Variants in NUP37 observed in about 807,000 individuals in gnomAD.
NUP37 encodes the protein nucleoporin Nup37.
In NUP37, 33 loss-of-function variants were observed where a neutral mutation model predicts 45.4. The ratio of observed to expected loss-of-function variants is 0.73; its 90% CI spans 0.55 to 0.97. The LOEUF (loss-of-function observed/expected upper bound fraction) is 0.97. Ranked by LOEUF, NUP37 falls within the 50% of genes least tolerant of loss-of-function variation. The pLI, the probability that NUP37 is intolerant of heterozygous loss-of-function variation, is 0.00. For synonymous variants in NUP37, 127 were observed against 130.7 expected (o/e 0.97, Z 0.19); for missense variants, 365 against 389.7 (o/e 0.94, Z 0.53).
chr12:102,118,392 A>G lies in NUP37; in HGVS notation c.127T>C (p.Tyr43His). The G allele has an allele frequency of 6.2e-7, 1 of 1,613,912 alleles. No individual in the cohort carries two copies. Among genetic ancestry groups the G allele is most frequent in the Non-Finnish European group, 8.5e-7 (1 of 1,179,954 alleles). Residue 43 changes from tyrosine (Y) to histidine (H), a missense_variant, in exon 2 of 10, where the codon TAT becomes CAT. Tyr to His is a moderately conservative substitution (Grantham distance 83, BLOSUM62 2). Coordinates refer to ENST00000552283, the MANE Select transcript of NUP37 (RefSeq NM_024057.4). Reference sequence around the variant, plus strand: ...AACGTACACGTGCCAATGACCACATAATTATTGCCACCATATGCAATTAGG... The same window carrying G: ...AACGTACACGTGCCAATGACCACATGATTATTGCCACCATATGCAATTAGG... ...GNLIAYGGNN[Y>H]VVIGTCTFQE...
Position 102,117,360 on chromosome 12 carries a change from G to T in NUP37, c.156+1003C>A, listed in dbSNP as rs138612202. Among the ~76,000 whole-genome samples, 88 of 151,824 alleles carry T rather than the reference G, an allele frequency of 5.8e-4. No individual in the cohort carries two copies. The East Asian group carries it at 0.015, about 27-fold the overall frequency. On this transcript the variant is annotated intron_variant, in intron 2 of 9. Coordinates refer to ENST00000552283, the MANE Select transcript of NUP37 (RefSeq NM_024057.4). The stretch of plus-strand genomic sequence containing the variant: ...AGCTACTTGGGAGGCTGAGGCAGGA[G>T]AATCAACTGAACCCGGGAGATGAAG...
intron 2 of NUP37, among the ~76,000 whole-genome samples, chr12:102,113,225 G>GAC (rs1173121687): frequency 1.3e-5 from 2 of 152,340 alleles, no homozygotes; most frequent in Admixed American, 6.5e-5. Context: ...AGAGAGAAGA[G>GAC]ACAAATCCTA....
chr12:102,092,113 A>G (rs1397944937), intron 5 of NUP37, among the ~76,000 whole-genome samples: 1 of 152,214 alleles, frequency 6.6e-6, no homozygotes, highest in African/African-American at 2.4e-5. Context: ...ATATTCTGTA[A>G]TATTCTGTTT....
At position 102,076,789 on chromosome 12, in the gene NUP37, T is replaced by G. The variant is rs1160751725; in HGVS notation, c.773+8A>C. ...CAAATCACAGCTCCAACAAAAACGG[T>G]ACATTACCTGAATAAGCAGGCTCGA... On this transcript the variant is annotated splice_region_variant and intron_variant, in intron 8 of 9. Transcript: ENST00000552283. 1 of 1,612,212 alleles carries G rather than the reference T, an allele frequency of 6.2e-7. No homozygotes were observed. Among genetic ancestry groups the G allele is most frequent in the African/African-American group, 1.3e-5 (1 of 74,856 alleles).
chr12:102,099,910 A>C (rs2136739728), intron 4 of NUP37, among the ~76,000 whole-genome samples: 1 of 152,198 alleles, frequency 6.6e-6, no homozygotes, highest in East Asian at 1.9e-4. Flanking sequence ...AAAAACTCAA[A>C]TTTGATCTCA....
chr12:102,115,020 C>T (rs1405397666), intron 2 of NUP37, among the ~76,000 whole-genome samples: 1 of 152,200 alleles, frequency 6.6e-6, no homozygotes, highest in Non-Finnish European at 1.5e-5. Flanking sequence ...GCAGCAGATT[C>T]AGCCTCAGCC....
chr12:102,117,381 TGAA>T (rs769860541), intron 2 of NUP37, among the ~76,000 whole-genome samples: 30 of 151,028 alleles, frequency 2.0e-4, no homozygotes, highest in Admixed American at 4.0e-4. Flanking sequence ...ACCCGGGAGA[TGAA>T]GGTTATAGTG....
At chr12:102,079,858 G>C (rs1262482712) in intron 6 of NUP37, among the ~76,000 whole-genome samples, 2 of 152,284 alleles carry the variant, frequency 1.3e-5, no homozygotes, top group African/African-American at 4.8e-5. Context: ...AGTTCACCTT[G>C]TTCAATTTTA....
intron 3 of NUP37, among the ~76,000 whole-genome samples, chr12:102,107,470 G>T (rs1035076916): frequency 2.0e-5 from 3 of 152,124 alleles, no homozygotes; most frequent in African/African-American, 7.2e-5. Flanking sequence ...GAAAGAAAAG[G>T]CCTAAGAAAC....
At chr12:102,083,294 T>C (rs796096731) in intron 6 of NUP37, among the ~76,000 whole-genome samples, 1 of 152,260 alleles carries the variant, frequency 6.6e-6, no homozygotes, top group Non-Finnish European at 1.5e-5. Context: ...GGGAGAAATG[T>C]AGGCATAAAA....
rs368746356 is a variant in NUP37 at position 102,113,573 on chromosome 12, C to T, written c.157-1341G>A. Among the ~76,000 whole-genome samples the T allele has an allele frequency of 2.6e-5, 4 of 152,018 alleles. No individual in the cohort carries two copies. In the East Asian group the frequency reaches 7.7e-4, roughly 29 times the overall value. ...GCAATTTTAAAAATAAGTAAATCAT[C>T]CTTCTGTTATTTAAATCAATACCTG... is the stretch of plus-strand genomic sequence containing the variant. On this transcript the variant is annotated intron_variant, in intron 2 of 9. Coordinates refer to ENST00000552283, the MANE Select transcript of NUP37 (RefSeq NM_024057.4).
intron 3 of NUP37, among the ~76,000 whole-genome samples, chr12:102,109,135 T>C (rs1182979913): frequency 6.6e-6 from 1 of 152,184 alleles, no homozygotes; most frequent in Non-Finnish European, 1.5e-5. Context: ...TTCAGGGATA[T>C]TTAAGTCCTT....
chr12:102,094,115 C>G (rs951830486), intron 5 of NUP37, among the ~76,000 whole-genome samples: 1 of 151,456 alleles, frequency 6.6e-6, no homozygotes, highest in South Asian at 2.1e-4. Context: ...TTGGAGAGTT[C>G]TTTTAACGAC....
At chr12:102,098,160 T>G (rs1879862480) in intron 5 of NUP37, among the ~76,000 whole-genome samples, 1 of 152,200 alleles carries the variant, frequency 6.6e-6, no homozygotes, top group Non-Finnish European at 1.5e-5. Flanking sequence ...TTCCAATGAC[T>G]GATGCACTCA....
In NUP37 at chr12:102,079,385, T is replaced by G. The variant is rs541561705; in HGVS notation, c.541-1882A>C. Among the ~76,000 whole-genome samples, 149 of 152,076 alleles carry G rather than the reference T, an allele frequency of 9.8e-4. 1 individual carries two copies. Among genetic ancestry groups the G allele is most frequent in the African/African-American group, 3.6e-3 (148 of 41,552 alleles). Reference sequence around the variant, plus strand: ...AGCATCTATGTTATACACACACACATGGATAGTCAATTTCATTATTCATGG... The same window carrying G: ...AGCATCTATGTTATACACACACACAGGGATAGTCAATTTCATTATTCATGG... On this transcript the variant is annotated intron_variant, in intron 6 of 9. Coordinates refer to ENST00000552283, the MANE Select transcript of NUP37 (RefSeq NM_024057.4).
chr12:102,099,550 AC>A (rs1381055027), intron 4 of NUP37, among the ~76,000 whole-genome samples: 7 of 152,056 alleles, frequency 4.6e-5, no homozygotes, highest in African/African-American at 1.2e-4. Context: ...GAGCTAGAAA[AC>A]TTTTTAGGGG....
rs1298366288 is a variant in NUP37, at chr12:102,105,856, C to T, written c.282-4752G>A. On this transcript the variant is annotated intron_variant, in intron 3 of 9. Transcript: ENST00000552283. ...CAGCCTGGGTGACAGAGCGGGACTC[C>T]CTCTCAAAAAAAAAAAAAAAAAAAA... Among the ~76,000 whole-genome samples the T allele has an allele frequency of 4.3e-5, 6 of 140,064 alleles. No homozygotes were observed. The South Asian group carries it at 1.2e-3, about 27-fold the overall frequency. 91.9% of individuals were successfully genotyped at this position (140,064 alleles called of 152,430 possible).
At chr12:102,108,304 G>A (rs1201582060) in intron 3 of NUP37, among the ~76,000 whole-genome samples, 7 of 190 alleles carry the variant, frequency 0.037, no homozygotes, top group African/African-American at 0.12. Context: ...TCTTTCTCCT[G>A]TAGTTGGATG....
rs1296721013 is a variant in NUP37, at chr12:102,099,144, GC to G, written c.410del (p.Gly137AlafsTer7). ...INGLVFDPKE[G>X]QEIASVSDDH... is the part of the protein sequence containing the mutation. ...CGTCACTCACACTTGCAATTTCTTGGCCTTCTTTGGGATCAAACACCAAACC... is the reference window on the plus strand; with the variant it reads ...CGTCACTCACACTTGCAATTTCTTGGCTTCTTTGGGATCAAACACCAAACC... On this transcript the variant is annotated frameshift_variant, in exon 5 of 10. Transcript: ENST00000552283. LOFTEE classifies it high-confidence loss of function. The G allele has an allele frequency of 1.1e-5, 17 of 1,613,710 alleles. No homozygotes were observed. The African/African-American group carries it at 2.1e-4, about 20-fold the overall frequency.
Sources: gnomAD v4.1 joint callset for allele counts (sites outside exome capture counted in the v4.1 genomes callset) on GRCh38, gnomAD v4.1.1 for gene constraint, MANE v1.5 for transcripts, NCBI Gene and HGNC (gene_info 2026-07-23, HGNC 2026-07-21) for gene names.